The following RAB38 variants were observed in gnomAD, a reference collection of about 807,000 sequenced individuals.
RAB38 encodes RAB38, member RAS oncogene family.
RAB38 carries 15 observed loss-of-function variants against 18.4 expected under a neutral mutation model. The observed-to-expected ratio is 0.82, with a 90% CI of 0.55 to 1.26. The LOEUF (loss-of-function observed/expected upper bound fraction) is 1.26, where lower values mean the gene tolerates loss of function less well. Ranked by LOEUF, RAB38 falls within the 50% of genes most tolerant of loss-of-function variation. The pLI is 0.00. For synonymous variants in RAB38, 101 were observed against 104.4 expected, an observed-to-expected ratio of 0.97 and a Z score of 0.20; for missense variants, 294 against 267.4, an observed-to-expected ratio of 1.10 and a Z score of -0.69.
the RAB38 span, among the ~76,000 whole-genome samples, chr11:87,948,278 G>GC: frequency 6.6e-6 from 1 of 152,178 alleles, no homozygotes; most frequent in African/African-American, 2.4e-5. Flanking sequence ...TTGCTTGTCA[G>GC]CTTAAGGAAA....
At chr11:87,861,249 C>T in the RAB38 span, among the ~76,000 whole-genome samples, 1 of 151,920 alleles carries the variant, frequency 6.6e-6, no homozygotes, top group South Asian at 2.1e-4. Context: ...CCATACACAT[C>T]TCAGTTGGTT....
chr11:87,888,035 C>T, the RAB38 span, among the ~76,000 whole-genome samples: 4 of 151,750 alleles, frequency 2.6e-5, no homozygotes, highest in Admixed American at 6.6e-5. Flanking sequence ...TTCCAAGCCC[C>T]AGACTCTTGT....
the RAB38 span, among the ~76,000 whole-genome samples, chr11:87,814,263 T>A: frequency 6.6e-6 from 1 of 152,202 alleles, no homozygotes; most frequent in African/African-American, 2.4e-5. Flanking sequence ...TAATGTGCTA[T>A]GTCCGACGAA....
At chr11:87,969,045 A>G in the RAB38 span, among the ~76,000 whole-genome samples, 2 of 152,156 alleles carry the variant, frequency 1.3e-5, no homozygotes, top group South Asian at 2.1e-4. Context: ...TGATTAATCA[A>G]TATCTAAGGG....
At chr11:87,926,832 C>A in the RAB38 span, among the ~76,000 whole-genome samples, 3 of 151,996 alleles carry the variant, frequency 2.0e-5, no homozygotes, top group African/African-American at 7.2e-5. Context: ...TGTCTTCCAC[C>A]AGGCTTCCTT....
the RAB38 span, among the ~76,000 whole-genome samples, chr11:88,046,953 T>C: frequency 6.6e-6 from 1 of 152,106 alleles, no homozygotes; most frequent in Non-Finnish European, 1.5e-5. Flanking sequence ...GGCAGAATTC[T>C]TACACAAGGA....
chr11:88,128,106 T>C (rs1942725854), intron 2 of RAB38, among the ~76,000 whole-genome samples: 1 of 152,228 alleles, frequency 6.6e-6, no homozygotes, highest in South Asian at 2.1e-4. Flanking sequence ...CGAATCTCTT[T>C]ATACTCAGGA....
chr11:87,863,144 G>A, the RAB38 span, among the ~76,000 whole-genome samples: 4 of 151,774 alleles, frequency 2.6e-5, no homozygotes, highest in African/African-American at 7.3e-5. Flanking sequence ...GTAGATGAGC[G>A]GGACTAGAAT....
At chr11:87,818,493 T>C in the RAB38 span, among the ~76,000 whole-genome samples, 2 of 152,092 alleles carry the variant, frequency 1.3e-5, no homozygotes, top group Non-Finnish European at 2.9e-5. Flanking sequence ...TGAAGTTACA[T>C]GGATAATCAA....
At chr11:88,133,662 T>C (rs2134799382) in intron 2 of RAB38, among the ~76,000 whole-genome samples, 1 of 152,280 alleles carries the variant, frequency 6.6e-6, no homozygotes, top group Middle Eastern at 3.4e-3. Context: ...ACCCACCAAC[T>C]AGCAGAAACA....
chr11:88,173,923 C>T, intron 1 of RAB38: 1 of 985,402 alleles, frequency 1.0e-6, no homozygotes, highest in Non-Finnish European at 1.2e-6. Context: ...AAATTTTCCA[C>T]ATTTGTTCTA....
the RAB38 span, among the ~76,000 whole-genome samples, chr11:88,097,126 T>C: frequency 6.6e-6 from 1 of 151,910 alleles, no homozygotes; most frequent in South Asian, 2.1e-4. Flanking sequence ...AAACAGGCCT[T>C]GTTTTGCACA....
At chr11:87,867,124 T>G in the RAB38 span, among the ~76,000 whole-genome samples, 1 of 151,744 alleles carries the variant, frequency 6.6e-6, no homozygotes, top group East Asian at 1.9e-4. Context: ...GAATGCTGGT[T>G]GTCCAGATGA....
the RAB38 span, among the ~76,000 whole-genome samples, chr11:87,933,161 A>G: frequency 6.6e-6 from 1 of 152,118 alleles, no homozygotes; most frequent in Non-Finnish European, 1.5e-5. Flanking sequence ...GGTGTTTTGA[A>G]AGCAGAGAAG....
chr11:87,828,254 T>C, the RAB38 span, among the ~76,000 whole-genome samples: 2 of 152,192 alleles, frequency 1.3e-5, no homozygotes, highest in Non-Finnish European at 2.9e-5. Flanking sequence ...AACTATTGCG[T>C]TATGTTTAAA....
chr11:88,041,095 T>C, the RAB38 span, among the ~76,000 whole-genome samples: 32 of 152,230 alleles, frequency 2.1e-4, no homozygotes, highest in African/African-American at 7.7e-4. Context: ...TCCTAAAACA[T>C]TGCTAGGATA....
At chr11:88,055,186 A>C in the RAB38 span, among the ~76,000 whole-genome samples, 1 of 152,312 alleles carries the variant, frequency 6.6e-6, no homozygotes, top group African/African-American at 2.4e-5. Flanking sequence ...CTAGTGCACT[A>C]TCATCATGCC....
chr11:88,021,840 C>G, the RAB38 span, among the ~76,000 whole-genome samples: 1 of 92,114 alleles, frequency 1.1e-5, no homozygotes, highest in African/African-American at 4.4e-5. Context: ...GGTGACAGAG[C>G]AAAACTCCAT....
chr11:88,140,997 T>G (rs1942905051), intron 2 of RAB38, among the ~76,000 whole-genome samples: 1 of 152,200 alleles, frequency 6.6e-6, no homozygotes, highest in Admixed American at 6.5e-5. Context: ...TCTGAAGTTT[T>G]AGAAACAAGT....
Sources: allele counts gnomAD v4.1 joint callset (sites outside exome capture counted in the v4.1 genomes callset), GRCh38; gene constraint gnomAD v4.1.1; transcripts MANE v1.5; gene names NCBI Gene and HGNC (gene_info 2026-07-23, HGNC 2026-07-21).